Variants in ERMARD observed in about 807,000 individuals in gnomAD.
ERMARD encodes the protein ER membrane associated RNA degradation, also known as endoplasmic reticulum membrane-associated RNA degradation protein.
Under a neutral mutation model 83.9 loss-of-function variants are expected in ERMARD, and 71 were observed. The ratio of observed to expected loss-of-function variants is 0.85; its 90% CI spans 0.70 to 1.03. The LOEUF is 1.03. ERMARD is among the 50% of genes least tolerant of loss of function. The pLI, the probability that ERMARD is intolerant of heterozygous loss-of-function variation, is 0.00. For missense variants in ERMARD, 838 were observed against 810.9 expected, an observed-to-expected ratio of 1.03 and a Z score of -0.41; for synonymous variants, 284 against 298.6, an observed-to-expected ratio of 0.95 and a Z score of 0.50.
chr6:169,758,291 C>T (rs1188196040), intron 5 of ERMARD, among the ~76,000 whole-genome samples: 3 of 152,206 alleles, frequency 2.0e-5, no homozygotes, highest in African/African-American at 7.2e-5. Flanking sequence ...GAACATCTTC[C>T]ATTATGTTCT....
chr6:169,752,567 C>T (rs191402661), intron 1 of ERMARD, among the ~76,000 whole-genome samples: 85 of 152,250 alleles, frequency 5.6e-4, no homozygotes, highest in Admixed American at 1.5e-3. Flanking sequence ...GTTCGAAAAC[C>T]AGGGCTGAGA....
chr6:169,752,222 AATG>A (rs1268815351), intron 1 of ERMARD, among the ~76,000 whole-genome samples: 8 of 152,190 alleles, frequency 5.3e-5, no homozygotes, highest in Non-Finnish European at 8.8e-5. Context: ...CCGTCTCCAA[AATG>A]ATGATAACGA....
At chr6:169,779,691 C>T (rs1380287297) in intron 17 of ERMARD, among the ~76,000 whole-genome samples, 1 of 152,174 alleles carries the variant, frequency 6.6e-6, no homozygotes, top group Non-Finnish European at 1.5e-5. Context: ...TGAGGTCTCA[C>T]TATGTTGCCC....
intron 9 of ERMARD, among the ~76,000 whole-genome samples, 195 bp from the exon 10 acceptor site, chr6:169,766,441 CTG>C (rs1562334129): frequency 1.3e-5 from 2 of 152,192 alleles, no homozygotes; most frequent in Admixed American, 6.5e-5. Context: ...GCCAGCTGCA[CTG>C]TGTTTTTGCG....
At chr6:169,755,610 T>G (rs1266371724) in intron 3 of ERMARD, 188 bp downstream of exon 3, 2 of 631,744 alleles carry the variant, frequency 3.2e-6, no homozygotes, top group African/African-American at 3.7e-5. Flanking sequence ...AACATGCCCC[T>G]TGGAACACAG....
intron 10 of ERMARD, chr6:169,766,954 G>T (rs1792286607): frequency 3.1e-6 from 1 of 319,840 alleles, no homozygotes; most frequent in African/African-American, 2.1e-5. Flanking sequence ...TTTAGATTTA[G>T]GGGTGACATC....
At chr6:169,765,353 A>G (rs952575657) in intron 9 of ERMARD, among the ~76,000 whole-genome samples, 2 of 152,242 alleles carry the variant, frequency 1.3e-5, no homozygotes, top group African/African-American at 4.8e-5. Context: ...AAACTTAATA[A>G]GACACTGCAG....
In ERMARD at chr6:169,762,761, G is replaced by A. The variant is rs112585892; in HGVS notation, c.960+230G>A. Among the ~76,000 whole-genome samples, 1,425 of 152,196 alleles carry A rather than the reference G, an allele frequency of 9.4e-3. 16 individuals carry two copies. Among genetic ancestry groups the A allele is most frequent in the African/African-American group, 0.032 (1,327 of 41,508 alleles). On this transcript the variant is annotated intron_variant, in intron 9 of 17. Transcript: ENST00000366773. ...ACAGTCTTTAAAACTCAATGATACC[G>A]TGAACGTAGTAGGCACTGGTTCTCT...
chr6:169,768,469 A>G (rs1373988464), intron 11 of ERMARD, among the ~76,000 whole-genome samples: 1 of 152,248 alleles, frequency 6.6e-6, no homozygotes, highest in Non-Finnish European at 1.5e-5. Context: ...GTTAAATGCA[A>G]CAGTTAGGCC....
intron 6 of ERMARD, 88 bp from the exon 7 acceptor site, chr6:169,759,750 T>C: frequency 1.5e-6 from 2 of 1,300,954 alleles, no homozygotes; most frequent in Non-Finnish European, 2.2e-6. Flanking sequence ...TTTGCTTTCT[T>C]AATTTTAAAT....
Position 169,758,727 on chromosome 6 carries a change from T to C in ERMARD, c.508-241T>C, listed in dbSNP as rs536367159. Among the ~76,000 whole-genome samples the C allele has an allele frequency of 4.3e-3, 650 of 152,322 alleles. No homozygotes were observed. The highest frequency in any genetic ancestry group is 0.015 in the African/African-American group (631 of 41,564). ...GCTTGTATTTTTTTCACCTAGATGC[T>C]GGGGATAATCATAGTACCTTCCTCA... is the stretch of plus-strand genomic sequence containing the variant. On this transcript the variant is annotated intron_variant, in intron 5 of 17. Transcript: ENST00000366773.
intron 15 of ERMARD, 140 bp downstream of exon 15, chr6:169,776,205 TATGAG>T (rs929062402): frequency 9.2e-6 from 14 of 1,516,202 alleles, no homozygotes; most frequent in African/African-American, 5.5e-5. Context: ...CAGGAGGAAT[TATGAG>T]ATAAGTTTTG....
chr6:169,766,745 A>G (rs952884913), intron 10 of ERMARD, 78 bp downstream of exon 10: 4 of 1,406,536 alleles, frequency 2.8e-6, no homozygotes, highest in Non-Finnish European at 3.8e-6. Context: ...AAAATGCAAA[A>G]TTAAAGATCA....
rs1269440827 is a variant in ERMARD, at chr6:169,775,816, T to C, written c.1395-124T>C. 20 of 1,252,552 alleles carry C rather than the reference T, an allele frequency of 1.6e-5. 1 individual carries two copies. The highest frequency in any genetic ancestry group is 2.1e-5 in the Non-Finnish European group (19 of 924,312). The allele number at this position is 1,252,552 out of a possible 1,614,324, so 77.6% of individuals were successfully genotyped here. A position where few individuals can be genotyped will look rare whatever the true frequency, so the allele number is the denominator to read the frequency against. On this transcript the variant is annotated intron_variant, in intron 14 of 17. Transcript: ENST00000366773. ...TGTCATGGTGGCTTTTTCCATTTTA[T>C]ATTTGAGGAAAGTGAGATTCACAGT...
intron 9 of ERMARD, among the ~76,000 whole-genome samples, chr6:169,762,844 G>A (rs1026350186): frequency 4.6e-5 from 7 of 152,240 alleles, no homozygotes; most frequent in South Asian, 4.1e-4. Flanking sequence ...CGGTCTAGCC[G>A]GGAGACTGAG....
At chr6:169,753,347 C>T (rs1265013904) in intron 1 of ERMARD, 1 of 154,256 alleles carries the variant, frequency 6.5e-6, no homozygotes, top group African/African-American at 2.4e-5. Context: ...TTGTGGTTTT[C>T]TTCAACACCG....
chr6:169,779,103 G>A, intron 16 of ERMARD, 79 bp from the exon 17 acceptor site: 1 of 1,226,012 alleles, frequency 8.2e-7, no homozygotes, highest in Non-Finnish European at 1.2e-6. Context: ...ATGTTGATTA[G>A]GTGAAACATC....
chr6:169,752,298 C>A (rs1411817715), intron 1 of ERMARD, among the ~76,000 whole-genome samples: 1 of 152,158 alleles, frequency 6.6e-6, no homozygotes, highest in Non-Finnish European at 1.5e-5. Context: ...TTACTGTAGC[C>A]CTACCAGGTG....
At chr6:169,757,830 A>G (rs930856395) in intron 5 of ERMARD, among the ~76,000 whole-genome samples, 4 of 152,234 alleles carry the variant, frequency 2.6e-5, no homozygotes, top group East Asian at 1.9e-4. Flanking sequence ...TGTGGAGTGC[A>G]TGGAATGAAG....
Sources: allele counts gnomAD v4.1 joint callset (sites outside exome capture counted in the v4.1 genomes callset), GRCh38; gene constraint gnomAD v4.1.1; transcripts MANE v1.5; gene names NCBI Gene and HGNC (gene_info 2026-07-23, HGNC 2026-07-21).